Variants in RPS6KC1 observed in about 807,000 individuals in gnomAD.
The protein encoded by RPS6KC1 is inactive ribosomal protein S6 kinase delta-1.
Under a neutral mutation model 103.8 loss-of-function variants are expected in RPS6KC1, and 54 were observed. The observed-to-expected ratio is 0.52, with a 90% CI of 0.42 to 0.65. The LOEUF (loss-of-function observed/expected upper bound fraction) is 0.65. RPS6KC1 is among the 30% of genes least tolerant of loss of function. RPS6KC1 has a pLI of 0.00. For synonymous variants in RPS6KC1, 439 were observed against 438.7 expected, an observed-to-expected ratio of 1.00 and a Z score of -0.01; for missense variants, 1,151 against 1,253.8, an observed-to-expected ratio of 0.92 and a Z score of 1.24.
the RPS6KC1 span, among the ~76,000 whole-genome samples, chr1:213,589,347 C>A: frequency 6.6e-6 from 1 of 152,110 alleles, no homozygotes; most frequent in Non-Finnish European, 1.5e-5. Flanking sequence ...AAAGACCTTG[C>A]TTAAGAATGG....
the RPS6KC1 span, among the ~76,000 whole-genome samples, chr1:213,448,225 CAAAAAAAAA>C: frequency 4.0e-5 from 3 of 75,822 alleles, no homozygotes; most frequent in Admixed American, 1.8e-4. Context: ...GTGAGACTGT[CAAAAAAAAA>C]AAAAAAAAAA....
At chr1:213,850,826 C>G in the RPS6KC1 span, among the ~76,000 whole-genome samples, 49 of 149,444 alleles carry the variant, frequency 3.3e-4, no homozygotes, top group African/African-American at 1.2e-3. Flanking sequence ...GATATAAAAA[C>G]TCTGTGGATT....
At chr1:213,459,553 G>T in the RPS6KC1 span, among the ~76,000 whole-genome samples, 1 of 152,030 alleles carries the variant, frequency 6.6e-6, no homozygotes, top group Non-Finnish European at 1.5e-5. Flanking sequence ...TGGATTGATT[G>T]ATTTTTTGGA....
chr1:213,412,332 G>A, the RPS6KC1 span, among the ~76,000 whole-genome samples: 3 of 152,324 alleles, frequency 2.0e-5, no homozygotes, highest in East Asian at 1.9e-4. Flanking sequence ...AAGTAGAAAA[G>A]GAGAGAGGGA....
chr1:213,614,122 G>T, the RPS6KC1 span, among the ~76,000 whole-genome samples: 2 of 152,158 alleles, frequency 1.3e-5, no homozygotes, highest in Non-Finnish European at 2.9e-5. Flanking sequence ...TGCTTTATCC[G>T]CAGCTACAAT....
chr1:213,313,164 G>A, the RPS6KC1 span, among the ~76,000 whole-genome samples: 9 of 152,032 alleles, frequency 5.9e-5, no homozygotes, highest in African/African-American at 2.2e-4. Flanking sequence ...CAAAGCTCAC[G>A]AAAATGAAAA....
At chr1:213,638,497 T>A in the RPS6KC1 span, among the ~76,000 whole-genome samples, 1 of 152,144 alleles carries the variant, frequency 6.6e-6, no homozygotes, top group South Asian at 2.1e-4. Context: ...TAAATTTAAA[T>A]CTATGATTCA....
the RPS6KC1 span, among the ~76,000 whole-genome samples, chr1:213,828,251 G>A: frequency 0.31 from 46,509 of 151,884 alleles, 9,564 homozygotes; most frequent in African/African-American, 0.58. Context: ...AGCAGACCCC[G>A]CATACTCACA....
the RPS6KC1 span, among the ~76,000 whole-genome samples, chr1:213,730,036 C>G: frequency 6.6e-6 from 1 of 152,168 alleles, no homozygotes; most frequent in African/African-American, 2.4e-5. Flanking sequence ...TCGATTTTCT[C>G]TTCTGGCATT....
At chr1:213,270,583 C>A in intron 14 of RPS6KC1, among the ~76,000 whole-genome samples, 1 of 138,836 alleles carries the variant, frequency 7.2e-6, no homozygotes, top group South Asian at 2.4e-4. Context: ...TGAGACTAGC[C>A]TTGACAACAT....
At chr1:213,096,233 A>G (rs775627629) in intron 3 of RPS6KC1, among the ~76,000 whole-genome samples, 4 of 152,210 alleles carry the variant, frequency 2.6e-5, no homozygotes, top group Admixed American at 2.0e-4. Context: ...CTCTTTGTTC[A>G]TTTAACTTTT....
At chr1:213,104,063 A>T (rs2082252540) in intron 3 of RPS6KC1, among the ~76,000 whole-genome samples, 1 of 152,218 alleles carries the variant, frequency 6.6e-6, no homozygotes, top group South Asian at 2.1e-4. Context: ...AATCAAAAAG[A>T]GTAGAAAAGG....
chr1:213,649,664 G>T, the RPS6KC1 span, among the ~76,000 whole-genome samples: 1 of 151,900 alleles, frequency 6.6e-6, no homozygotes, highest in African/African-American at 2.4e-5. Context: ...CACAGTGTCT[G>T]TGACGGTTTA....
At chr1:213,188,991 G>C (rs1487839909) in intron 8 of RPS6KC1, among the ~76,000 whole-genome samples, 1 of 152,092 alleles carries the variant, frequency 6.6e-6, no homozygotes, top group African/African-American at 2.4e-5. Context: ...AGATTTTGTG[G>C]TGCTGGTATA....
At chr1:213,830,942 T>C in the RPS6KC1 span, among the ~76,000 whole-genome samples, 2 of 152,296 alleles carry the variant, frequency 1.3e-5, no homozygotes, top group African/African-American at 4.8e-5. Flanking sequence ...TGGTCTCTGT[T>C]GCTCTGGGCA....
At chr1:213,268,327 A>G (rs2094958465) in intron 14 of RPS6KC1, among the ~76,000 whole-genome samples, 1 of 151,712 alleles carries the variant, frequency 6.6e-6, no homozygotes, top group Non-Finnish European at 1.5e-5. Flanking sequence ...CAGCAAAATT[A>G]TCCTTCAAAA....
the RPS6KC1 span, among the ~76,000 whole-genome samples, chr1:213,772,232 G>A: frequency 1.3e-5 from 2 of 152,274 alleles, no homozygotes; most frequent in South Asian, 2.1e-4. Context: ...GGGTAAGGAG[G>A]CAGCCATTGC....
chr1:213,641,570 A>G, the RPS6KC1 span, among the ~76,000 whole-genome samples: 16 of 152,180 alleles, frequency 1.1e-4, 1 homozygote, highest in Admixed American at 8.5e-4. Context: ...GTAAAGGTCT[A>G]CTGGTTAGCT....
the RPS6KC1 span, among the ~76,000 whole-genome samples, chr1:213,314,891 T>C: frequency 6.6e-6 from 1 of 152,156 alleles, no homozygotes; most frequent in Non-Finnish European, 1.5e-5. Context: ...GTGGATAGAA[T>C]GGCTGCGAGT....
Sources: gnomAD v4.1 joint callset for allele counts (sites outside exome capture counted in the v4.1 genomes callset) on GRCh38, gnomAD v4.1.1 for gene constraint, MANE v1.5 for transcripts, NCBI Gene and HGNC (gene_info 2026-07-23, HGNC 2026-07-21) for gene names.